THEMIS: variants seen among roughly 807,000 people sequenced by gnomAD.
The protein encoded by THEMIS is protein THEMIS.
Under a neutral mutation model 52.6 loss-of-function variants are expected in THEMIS, and 37 were observed. The observed-to-expected ratio is 0.70, with a 90% CI of 0.54 to 0.93. The LOEUF is 0.93. Among genes scored for constraint, THEMIS ranks in the 40% least tolerant of loss-of-function variants. The probability of loss-of-function intolerance (pLI) is 0.00; values close to 1 mark genes in which losing one functional copy is unlikely to be tolerated. For missense variants in THEMIS, 808 were observed against 763.1 expected, an observed-to-expected ratio of 1.06 and a Z score of -0.69; for synonymous variants, 292 against 272.7, an observed-to-expected ratio of 1.07 and a Z score of -0.70.
intron 4 of THEMIS, among the ~76,000 whole-genome samples, chr6:127,798,627 A>G (rs1012594713): frequency 6.6e-5 from 10 of 151,968 alleles, no homozygotes. Flanking sequence ...AATGAGAACT[A>G]TTTAGTTACT....
upstream of THEMIS, among the ~76,000 whole-genome samples, chr6:127,901,629 C>T (rs1186486794): frequency 1.3e-5 from 2 of 151,860 alleles, no homozygotes; most frequent in Non-Finnish European, 2.9e-5. Context: ...TAACAAAGTA[C>T]ATTAAAATGA....
intron 4 of THEMIS, among the ~76,000 whole-genome samples, chr6:127,806,638 CT>C (rs1208813374): frequency 6.6e-6 from 1 of 152,108 alleles, no homozygotes; most frequent in Admixed American, 6.5e-5. Flanking sequence ...TGAAATTTCC[CT>C]AAAATCAGGT....
At chr6:127,904,708 A>G (rs578231191), upstream of THEMIS, among the ~76,000 whole-genome samples, 2 of 152,206 alleles carry the variant, frequency 1.3e-5, no homozygotes, top group East Asian at 3.9e-4. Context: ...TAATTCCGAT[A>G]TTGGAATTAT....
chr6:127,872,444 C>A (rs1780185250), intron 1 of THEMIS, among the ~76,000 whole-genome samples: 1 of 151,926 alleles, frequency 6.6e-6, no homozygotes, highest in Non-Finnish European at 1.5e-5. Flanking sequence ...CAATGGCAGA[C>A]ACCTGTAATC....
chr6:127,806,312 AT>A (rs934345414), intron 4 of THEMIS, among the ~76,000 whole-genome samples: 2 of 152,256 alleles, frequency 1.3e-5, no homozygotes, highest in East Asian at 3.9e-4. Context: ...ATAAATTCAC[AT>A]TTTTTTCTGC....
chr6:127,766,066 TCAAAGCA>T (rs1162791386), intron 4 of THEMIS, among the ~76,000 whole-genome samples: 7 of 152,074 alleles, frequency 4.6e-5, no homozygotes, highest in Non-Finnish European at 2.9e-5. Context: ...CACCCCAAAT[TCAAAGCA>T]TCTGCACTCC....
intron 3 of THEMIS, among the ~76,000 whole-genome samples, chr6:127,814,495 A>G (rs1380401645): frequency 6.6e-6 from 1 of 152,172 alleles, no homozygotes; most frequent in Non-Finnish European, 1.5e-5. Flanking sequence ...GCAAAATCCT[A>G]AGATACAAGC....
chr6:127,835,780 C>A (rs1238837062), intron 2 of THEMIS, among the ~76,000 whole-genome samples: 1 of 152,152 alleles, frequency 6.6e-6, no homozygotes, highest in African/African-American at 2.4e-5. Flanking sequence ...CCACAGATTT[C>A]ACCAGCATGT....
chr6:127,905,927 T>C (rs1781258286), upstream of THEMIS, among the ~76,000 whole-genome samples: 1 of 149,446 alleles, frequency 6.7e-6, no homozygotes, highest in South Asian at 2.1e-4. Flanking sequence ...AACTCAATTA[T>C]ACTCTTAAAA....
chr6:127,831,759 T>C (rs1778703412), intron 2 of THEMIS, among the ~76,000 whole-genome samples: 1 of 152,178 alleles, frequency 6.6e-6, no homozygotes, highest in African/African-American at 2.4e-5. Flanking sequence ...CTAAAAACTT[T>C]TAGAAATAGA....
intron 4 of THEMIS, among the ~76,000 whole-genome samples, chr6:127,797,292 A>C (rs1169703480): frequency 6.6e-6 from 1 of 152,138 alleles, no homozygotes; most frequent in African/African-American, 2.4e-5. Flanking sequence ...ACTTCTTCAG[A>C]CTAATGGGAA....
intron 1 of THEMIS, among the ~76,000 whole-genome samples, chr6:127,860,146 G>T (rs1313684398): frequency 6.6e-6 from 1 of 152,168 alleles, no homozygotes. Flanking sequence ...CATTTATATG[G>T]CCAGTCTTCC....
chr6:127,711,841 G>A (rs560517077), intron 5 of THEMIS, among the ~76,000 whole-genome samples: 1 of 152,074 alleles, frequency 6.6e-6, no homozygotes, highest in South Asian at 2.1e-4. Context: ...TAAATGAATT[G>A]TAGTACAGAG....
intron 2 of THEMIS, among the ~76,000 whole-genome samples, chr6:127,851,300 C>T (rs1779416056): frequency 6.6e-6 from 1 of 151,416 alleles, no homozygotes. Context: ...AAACTTAATA[C>T]ACTTCAAGTA....
At chr6:127,755,196 C>G (rs1245722109) in intron 4 of THEMIS, among the ~76,000 whole-genome samples, 3 of 152,174 alleles carry the variant, frequency 2.0e-5, no homozygotes, top group Admixed American at 2.0e-4. Flanking sequence ...GTGTCATCAT[C>G]ATAGATTAGA....
intron 1 of THEMIS, among the ~76,000 whole-genome samples, chr6:127,879,608 A>C (rs751488389): frequency 2.2e-4 from 32 of 148,700 alleles, no homozygotes; most frequent in Non-Finnish European, 2.2e-4. Flanking sequence ...GTGATCTAGA[A>C]TGCTGTGTCA....
At chr6:127,862,324 GTA>G (rs1779829305) in intron 1 of THEMIS, among the ~76,000 whole-genome samples, 1 of 150,842 alleles carries the variant, frequency 6.6e-6, no homozygotes, top group South Asian at 2.1e-4. Context: ...CTTCTGAGTT[GTA>G]TGAGTTAATG....
rs1365431753 is a variant in THEMIS, at chr6:127,794,366, A to G, written c.1758+18517T>C. Among the ~76,000 whole-genome samples, 4 of 152,174 alleles carry G rather than the reference A, an allele frequency of 2.6e-5. No individual in the cohort carries two copies. In the East Asian group the frequency reaches 5.8e-4, roughly 22 times the overall value. On this transcript the variant is annotated intron_variant, in intron 4 of 5. Coordinates refer to ENST00000368248, the MANE Select transcript of THEMIS (RefSeq NM_001010923.3). The stretch of plus-strand genomic sequence containing the variant: ...CAATTCTCTAATTGTTTCATCTTTC[A>G]TGAAAAATTAAGCCAAGATTACTAC...
At chr6:127,755,860 C>G (rs1481681607) in intron 4 of THEMIS, among the ~76,000 whole-genome samples, 1 of 151,918 alleles carries the variant, frequency 6.6e-6, no homozygotes, top group Non-Finnish European at 1.5e-5. Context: ...AACCCTGTCT[C>G]TACTAAAAAT....
Sources: allele counts gnomAD v4.1 joint callset (sites outside exome capture counted in the v4.1 genomes callset), GRCh38; gene constraint gnomAD v4.1.1; transcripts MANE v1.5; gene names NCBI Gene and HGNC (gene_info 2026-07-23, HGNC 2026-07-21).